ZFYVE9: variants seen among roughly 807,000 people sequenced by gnomAD.
ZFYVE9 encodes the protein zinc finger FYVE-type containing 9, also known as zinc finger FYVE domain-containing protein 9.
Under a neutral mutation model 126.7 loss-of-function variants are expected in ZFYVE9, and 43 were observed. The ratio of observed to expected loss-of-function variants is 0.34; its 90% CI spans 0.27 to 0.44. The LOEUF (loss-of-function observed/expected upper bound fraction) is 0.44. Among genes scored for constraint, ZFYVE9 ranks in the 20% least tolerant of loss-of-function variants. The pLI is 1.00. For missense variants in ZFYVE9, 1,476 were observed against 1,697.0 expected (o/e 0.87, Z 2.29); for synonymous variants, 521 against 597.4 (o/e 0.87, Z 1.87).
chr1:52,291,245 G>A (rs1286769276), intron 10 of ZFYVE9, among the ~76,000 whole-genome samples: 1 of 152,166 alleles, frequency 6.6e-6, no homozygotes, highest in Non-Finnish European at 1.5e-5. Context: ...TAAAGGGGAG[G>A]TATTCCCTTC....
intron 7 of ZFYVE9, among the ~76,000 whole-genome samples, chr1:52,271,594 A>G (rs1455196913): frequency 3.9e-5 from 6 of 152,144 alleles, no homozygotes; most frequent in African/African-American, 9.7e-5. Flanking sequence ...GTAGAGACCA[A>G]CTGACCACTT....
rs745691226 is a variant in ZFYVE9, at chr1:52,238,510, A to G, written c.1093A>G (p.Asn365Asp). ...ACGGTGTTCAGATTGCCTTGTGCCT[A>G]ATGAAGTTAGGGCTGATGAAAATGA... is the stretch of plus-strand genomic sequence containing the variant. ...CERCSDCLVP[N>D]EVRADENEGY... The change falls in exon 4 of 19, where the codon AAT (asparagine) becomes GAT (aspartate). Residue 365 changes from asparagine (N) to aspartate (D), a missense_variant. By Grantham distance (23) the Asn-to-Asp change is conservative (BLOSUM62 1). Around this residue, in one of 2 missense-constraint regions of ZFYVE9, gnomAD observed 807 missense variants for 794.6 expected, o/e 1.02. Transcript: ENST00000287727. The G allele has an allele frequency of 6.2e-7, 1 of 1,614,088 alleles. No homozygotes were observed. Among genetic ancestry groups the G allele is most frequent in the Non-Finnish European group, 8.5e-7 (1 of 1,179,962 alleles).
intron 9 of ZFYVE9, among the ~76,000 whole-genome samples, chr1:52,279,275 A>G (rs1437216803): frequency 1.3e-5 from 2 of 152,196 alleles, no homozygotes; most frequent in Non-Finnish European, 2.9e-5. Flanking sequence ...TAGATAAATT[A>G]TACAGGCTAC....
intron 1 of ZFYVE9, chr1:52,180,669 T>C: frequency 2.4e-6 from 1 of 408,412 alleles, no homozygotes; most frequent in East Asian, 5.4e-5. Flanking sequence ...TTCAAATCTT[T>C]ACATTTTAGA....
chr1:52,220,429 G>T (rs1170442772), intron 2 of ZFYVE9, among the ~76,000 whole-genome samples: 1 of 152,168 alleles, frequency 6.6e-6, no homozygotes, highest in Non-Finnish European at 1.5e-5. Context: ...GGGTGAGATG[G>T]TCTACTATGA....
At chr1:52,220,542 T>G (rs1021100486) in intron 2 of ZFYVE9, among the ~76,000 whole-genome samples, 6 of 152,198 alleles carry the variant, frequency 3.9e-5, no homozygotes, top group African/African-American at 1.4e-4. Context: ...GGAGGCTGCT[T>G]CTTTAGGGTT....
chr1:52,311,556 C>T (rs1646137083), intron 13 of ZFYVE9, among the ~76,000 whole-genome samples: 1 of 152,068 alleles, frequency 6.6e-6, no homozygotes, highest in South Asian at 2.1e-4. Context: ...TGAGCCACCA[C>T]TCCCAGCTGG....
chr1:52,171,689 A>G (rs1398177281), intron 1 of ZFYVE9, among the ~76,000 whole-genome samples: 1 of 152,078 alleles, frequency 6.6e-6, no homozygotes, highest in African/African-American at 2.4e-5. Context: ...AATGATCGCC[A>G]TTCTAACTGG....
intron 13 of ZFYVE9, among the ~76,000 whole-genome samples, chr1:52,312,477 A>G (rs1182149671): frequency 1.3e-5 from 2 of 152,184 alleles, no homozygotes; most frequent in Admixed American, 6.5e-5. Context: ...TACCTTTGAC[A>G]GTCTTTGCAA....
intron 10 of ZFYVE9, among the ~76,000 whole-genome samples, chr1:52,282,319 A>C (rs762594625): frequency 1.3e-5 from 2 of 152,206 alleles, no homozygotes; most frequent in Non-Finnish European, 2.9e-5. Flanking sequence ...ACATAAAAAG[A>C]AACTAAGATT....
Position 52,230,003 on chromosome 1 carries a change from G to A in ZFYVE9, c.-36-3168G>A, listed in dbSNP as rs932751792. 2.6e-5 allele frequency among the ~76,000 whole-genome samples: 4 copies of A among 152,056 alleles called. No individual in the cohort carries two copies. In the East Asian group the frequency reaches 7.7e-4, roughly 29 times the overall value. ...CTGCCTCAGCTTCCTGAGTAGCTGG[G>A]ACTACAGGCGCTTGCCACCACGTCC... On this transcript the variant is annotated intron_variant, in intron 2 of 18. Transcript: ENST00000287727.
Position 52,303,815 on chromosome 1 carries a change from G to T in ZFYVE9, c.3334-6G>T. On this transcript the variant is annotated splice_polypyrimidine_tract_variant and splice_region_variant and intron_variant, in intron 12 of 18. Transcript: ENST00000287727. ...ATTTATTCTGCTTCAATCTGCTTTGGCCCAGGACTTCAGAAATTACCAGTA... is the reference window on the plus strand; with the variant it reads ...ATTTATTCTGCTTCAATCTGCTTTGTCCCAGGACTTCAGAAATTACCAGTA... 6.4e-7 allele frequency: 1 copy of T among 1,555,654 alleles called. No homozygotes were observed. The highest frequency in any genetic ancestry group is 1.3e-5 in the South Asian group (1 of 79,852).
intron 1 of ZFYVE9, among the ~76,000 whole-genome samples, chr1:52,162,002 A>G (rs1271388818): frequency 6.6e-6 from 1 of 152,098 alleles, no homozygotes; most frequent in African/African-American, 2.4e-5. Context: ...TGTTTACTCA[A>G]AATGACAACA....
intron 12 of ZFYVE9, among the ~76,000 whole-genome samples, chr1:52,297,910 G>A (rs2762831): frequency 0.14 from 20,691 of 149,802 alleles, 2,180 homozygotes; most frequent in African/African-American, 0.29. Context: ...TTTAGTAGAG[G>A]CGCATGTTGG....
chr1:52,182,094 TGGG>T (rs1427961361), intron 1 of ZFYVE9, among the ~76,000 whole-genome samples: 1 of 143,794 alleles, frequency 7.0e-6, no homozygotes, highest in South Asian at 2.2e-4. Context: ...CGGAGGGAGG[TGGG>T]GGGGTCAGCC....
At chr1:52,317,943 C>T (rs910600375) in intron 13 of ZFYVE9, among the ~76,000 whole-genome samples, 3 of 152,034 alleles carry the variant, frequency 2.0e-5, no homozygotes, top group Non-Finnish European at 2.9e-5. Context: ...AAAGAAAAGT[C>T]CTAGTTCAGA....
At chr1:52,293,376 CAAAAAAAA>C (rs376379860) in intron 10 of ZFYVE9, 69 bp from the exon 11 acceptor site, 19 of 604,220 alleles carry the variant, frequency 3.1e-5, no homozygotes, top group Admixed American at 1.1e-4. Flanking sequence ...GACTCCGTCT[CAAAAAAAA>C]AAAAAAAAAA....
At chr1:52,254,651 A>G (rs114842193) in intron 4 of ZFYVE9, among the ~76,000 whole-genome samples, 1,621 of 152,304 alleles carry the variant, frequency 0.011, 23 homozygotes, top group African/African-American at 0.036. Context: ...TAGCAAATAC[A>G]TTTAAAGTAA....
At chr1:52,309,628 T>C (rs1021903691) in intron 13 of ZFYVE9, among the ~76,000 whole-genome samples, 1 of 152,194 alleles carries the variant, frequency 6.6e-6, no homozygotes, top group African/African-American at 2.4e-5. Context: ...TAAAGCAGAC[T>C]GATGGCTTTG....
Sources: gnomAD v4.1 joint callset for allele counts (sites outside exome capture counted in the v4.1 genomes callset) on GRCh38, gnomAD v4.1.1 for gene constraint, gnomAD v4.1.1 regional missense constraint, MANE v1.5 for transcripts, NCBI Gene and HGNC (gene_info 2026-07-23, HGNC 2026-07-21) for gene names.